Variants in CENPF observed in about 807,000 individuals in gnomAD.
CENPF encodes the protein centromere protein F, also known as AH antigen.
CENPF carries 214 observed loss-of-function variants against 307.3 expected under a neutral mutation model. The observed-to-expected ratio is 0.70, with a 90% CI of 0.62 to 0.78. The LOEUF is 0.78. CENPF is among the 30% of genes least tolerant of loss of function. CENPF has a pLI of 0.00. For synonymous variants in CENPF, 1,259 were observed against 1,270.6 expected (o/e 0.99, Z 0.19); for missense variants, 3,401 against 3,483.9 (o/e 0.98, Z 0.60).
At chr1:214,620,618 A>G (rs751386836) in intron 5 of CENPF, 37 bp from the exon 6 acceptor site, 30 of 1,555,250 alleles carry the variant, frequency 1.9e-5, no homozygotes, top group Non-Finnish European at 2.5e-5. Flanking sequence ...AGTATATAAG[A>G]TCTTTAAAGG....
rs750339722 is a variant in CENPF at position 214,644,650 on chromosome 1, T to G, written c.5080T>G (p.Cys1694Gly). ...ACCAAAGCATGATGTTCATCAGATT[T>G]GTGATAAAGATGCTCAGCAGGACCT... Reference protein sequence around the residue: ...RTPKHDVHQICDKDAQQDLNL... With the variant: ...RTPKHDVHQIGDKDAQQDLNL... The change falls in exon 13 of 20, where the codon TGT (cysteine) becomes GGT (glycine). Residue 1694 changes from cysteine to glycine, a missense_variant. Cys to Gly is a radical substitution (Grantham distance 159). Transcript: ENST00000366955. 6 of 1,613,922 alleles carry G rather than the reference T, an allele frequency of 3.7e-6. No homozygotes were observed. The African/African-American group carries it at 8.0e-5, about 22-fold the overall frequency.
At chr1:214,608,014 G>A (rs774924516) in intron 1 of CENPF, among the ~76,000 whole-genome samples, 13 of 152,174 alleles carry the variant, frequency 8.5e-5, no homozygotes, top group Non-Finnish European at 1.0e-4. Context: ...CCCTCCCGCC[G>A]GGTGGCATCC....
At chr1:214,648,618 C>A in intron 13 of CENPF, 57 bp from the exon 14 acceptor site, 2 of 1,575,448 alleles carry the variant, frequency 1.3e-6, no homozygotes, top group South Asian at 2.3e-5. Flanking sequence ...TCAGAGTGGT[C>A]GATCTGATCA....
intron 5 of CENPF, among the ~76,000 whole-genome samples, chr1:214,619,775 G>A (rs983777742): frequency 3.3e-5 from 5 of 152,192 alleles, no homozygotes; most frequent in Admixed American, 6.5e-5. Flanking sequence ...GAATGCAGAA[G>A]TACCTCTGGC....
rs779286226 is a variant in CENPF, at chr1:214,646,860, A to G, written c.7290A>G (p.Val2430=). 8.7e-6 allele frequency: 14 copies of G among 1,613,492 alleles called. 1 individual carries two copies. In the South Asian group the frequency reaches 1.5e-4, roughly 18 times the overall value. The change falls in exon 13 of 20, where the codon GTA becomes GTG. Residue 2430 remains valine (V), a synonymous_variant. Transcript: ENST00000366955. ...TGCAAGAAAAAGAGCAAGAGAAAGT[A>G]CAGATGAAAGAAAAATCAAGCACTG... The part of the protein sequence containing the change: ...NILQEKEQEK[V]QMKEKSSTAM...
intron 10 of CENPF, 68 bp downstream of exon 10, chr1:214,632,670 C>T: frequency 6.4e-7 from 1 of 1,558,750 alleles, no homozygotes; most frequent in South Asian, 1.2e-5. Flanking sequence ...AAAGAATATT[C>T]CTATTCCATT....
chr1:214,608,173 G>T (rs1356694795), intron 1 of CENPF: 6 of 886,104 alleles, frequency 6.8e-6, no homozygotes, highest in South Asian at 1.7e-5. Flanking sequence ...CGCCTGTCCG[G>T]CTCTCTGGCC....
chr1:214,608,823 C>G, intron 1 of CENPF: 1 of 1,594,932 alleles, frequency 6.3e-7, no homozygotes, highest in South Asian at 1.1e-5. Flanking sequence ...AGAGCTCACT[C>G]AGCGACAGCC....
At chr1:214,610,019 C>CTT (rs34695664) in intron 1 of CENPF, among the ~76,000 whole-genome samples, 3 of 130,338 alleles carry the variant, frequency 2.3e-5, no homozygotes, top group East Asian at 2.2e-4. Flanking sequence ...GTGCATGTGC[C>CTT]TTTTTTTTTT....
At chr1:214,635,374 C>A (rs567358656) in intron 10 of CENPF, among the ~76,000 whole-genome samples, 1 of 152,300 alleles carries the variant, frequency 6.6e-6, no homozygotes, top group East Asian at 1.9e-4. Context: ...CGAAGTTGAT[C>A]TGGGTGGAAT....
chr1:214,626,118 C>A (rs1055726396), intron 7 of CENPF, among the ~76,000 whole-genome samples: 1 of 152,038 alleles, frequency 6.6e-6, no homozygotes, highest in African/African-American at 2.4e-5. Flanking sequence ...TTCCTTTAGC[C>A]CTTCTTTTAG....
chr1:214,609,301 A>T (rs777735867), intron 1 of CENPF, among the ~76,000 whole-genome samples: 1 of 152,206 alleles, frequency 6.6e-6, no homozygotes, highest in African/African-American at 2.4e-5. Flanking sequence ...CAGTGATTCT[A>T]GTACTAATAC....
Position 214,645,169 on chromosome 1 carries a change from A to C in CENPF, c.5599A>C (p.Asn1867His). The C allele has an allele frequency of 1.2e-6, 2 of 1,614,068 alleles. No individual in the cohort carries two copies. The highest frequency in any genetic ancestry group is 1.7e-6 in the Non-Finnish European group (2 of 1,180,002). Residue 1867 changes from asparagine (N) to histidine (H), a missense_variant, in exon 13 of 20, where the codon AAT becomes CAT. Asn to His is a moderately conservative substitution (Grantham distance 68, BLOSUM62 1). Transcript: ENST00000366955. ...GAGAGTAGAAACTTCTGAAGGCCTC[A>C]ATTCTGATTTAGAAATGCATGCAGA... Reference protein sequence around the residue: ...LQRVETSEGLNSDLEMHADKS... With the variant: ...LQRVETSEGLHSDLEMHADKS...
At position 214,647,071 on chromosome 1, in the gene CENPF, T is replaced by G. The variant is rs1192034599; in HGVS notation, c.7501T>G (p.Ser2501Ala). 6 of 1,613,932 alleles carry G rather than the reference T, an allele frequency of 3.7e-6. No individual in the cohort carries two copies. The highest frequency in any genetic ancestry group is 5.1e-6 in the Non-Finnish European group (6 of 1,179,998). Residue 2501 changes from serine to alanine, a missense_variant, in exon 13 of 20, where the codon TCT (serine) becomes GCT (alanine). Physicochemically the swap from Ser to Ala is moderately conservative, Grantham distance 99. Transcript: ENST00000366955. Reference sequence around the variant, plus strand: ...CAAAAATAATTATATTGTTTTGCAATCTTCAGTGAATGGCCTCATTCAAGA... The same window carrying G: ...CAAAAATAATTATATTGTTTTGCAAGCTTCAGTGAATGGCCTCATTCAAGA... Reference protein sequence around the residue: ...EAKNNYIVLQSSVNGLIQEVE... With the variant: ...EAKNNYIVLQASVNGLIQEVE...
rs1388419055 is a variant in CENPF, at chr1:214,640,024, T to C, written c.1686T>C (p.Asp562=). The stretch of plus-strand genomic sequence containing the variant: ...AAAAACTGAAGCTTGCTGTGGCTGA[T>C]CTGGAAAAGCAGCGAGATTGTTCTC... ...TLEKLKLAVA[D]LEKQRDCSQD... is the part of the protein sequence containing the mutation. The change falls in exon 12 of 20, where the codon GAT becomes GAC. Residue 562 remains aspartate (D), a synonymous_variant. Coordinates refer to ENST00000366955, the MANE Select transcript of CENPF (RefSeq NM_016343.4). 6.3e-7 allele frequency: 1 copy of C among 1,599,076 alleles called. No homozygotes were observed. Among genetic ancestry groups the C allele is most frequent in the South Asian group, 1.1e-5 (1 of 87,182 alleles).
Position 214,640,479 on chromosome 1 carries a change from A to G in CENPF, c.2141A>G (p.His714Arg). ...QQKAEFSDQK[H>R]QKEIENMCLK... Reference sequence around the variant, plus strand: ...AAAGCTGAGTTCTCAGATCAGAAACATCAGAAGGAAATAGAAAATATGTGT... The same window carrying G: ...AAAGCTGAGTTCTCAGATCAGAAACGTCAGAAGGAAATAGAAAATATGTGT... The change falls in exon 12 of 20, where the codon CAT becomes CGT. Residue 714 changes from histidine to arginine, a missense_variant. Physicochemically the swap from His to Arg is conservative, Grantham distance 29. Transcript: ENST00000366955. 6.2e-7 allele frequency: 1 copy of G among 1,614,144 alleles called. No homozygotes were observed.
At position 214,664,063 on chromosome 1, in the gene CENPF, A is replaced by T; in HGVS notation, c.*269A>T. The T allele has an allele frequency of 3.2e-6, 1 of 308,354 alleles. No individual in the cohort carries two copies. The highest frequency in any genetic ancestry group is 5.9e-6 in the Non-Finnish European group (1 of 169,036). The allele number at this position is 308,354 out of a possible 1,614,324, so 19.1% of individuals were successfully genotyped here. A position where few individuals can be genotyped will look rare whatever the true frequency, so the allele number is the denominator to read the frequency against. On this transcript the variant is annotated 3_prime_UTR_variant, in exon 20 of 20. Transcript: ENST00000366955. ...ATATAAAGCTTTTTGGTAATATGTT[A>T]CAATTAAAATGACAAGCACTATATC... is the stretch of plus-strand genomic sequence containing the variant.
At chr1:214,654,910 C>T (rs1318636507) in intron 16 of CENPF, among the ~76,000 whole-genome samples, 1 of 152,172 alleles carries the variant, frequency 6.6e-6, no homozygotes, top group Non-Finnish European at 1.5e-5. Flanking sequence ...TTTGGACTCA[C>T]CAAGAATATG....
intron 10 of CENPF, among the ~76,000 whole-genome samples, chr1:214,636,983 C>A (rs976270947): frequency 6.6e-6 from 1 of 152,154 alleles, no homozygotes; most frequent in Non-Finnish European, 1.5e-5. Flanking sequence ...AAAAGTTTTT[C>A]TTTGGCATGT....
Sources: allele counts gnomAD v4.1 joint callset (sites outside exome capture counted in the v4.1 genomes callset), GRCh38; gene constraint gnomAD v4.1.1; transcripts MANE v1.5; gene names NCBI Gene and HGNC (gene_info 2026-07-23, HGNC 2026-07-21).